BNC2: variants seen among roughly 807,000 people sequenced by gnomAD.
The protein encoded by BNC2 is zinc finger protein basonuclin-2.
In BNC2, 20 loss-of-function variants were observed where a neutral mutation model predicts 76.3. The ratio of observed to expected loss-of-function variants is 0.26; its 90% CI spans 0.18 to 0.38. The LOEUF is 0.38. BNC2 is among the 10% of genes least tolerant of loss of function. The probability of loss-of-function intolerance (pLI) is 1.00; values close to 1 mark genes in which losing one functional copy is unlikely to be tolerated. For missense variants in BNC2, 1,382 were observed against 1,399.8 expected (o/e 0.99, Z 0.20); for synonymous variants, 582 against 514.8 (o/e 1.13, Z -1.77).
intron 3 of BNC2, among the ~76,000 whole-genome samples, chr9:16,619,399 G>A (rs1318257898): frequency 6.6e-6 from 1 of 151,564 alleles, no homozygotes; most frequent in Admixed American, 6.6e-5. Context: ...ATTGCAGAGT[G>A]AAAACTGTAC....
intron 6 of BNC2, chr9:16,421,398 GA>G (rs1820707104): frequency 1.4e-6 from 1 of 716,806 alleles, no homozygotes; most frequent in Non-Finnish European, 2.0e-6. Flanking sequence ...ATCTGGTTTT[GA>G]AAAACTTAAA....
intron 1 of BNC2, among the ~76,000 whole-genome samples, chr9:16,780,519 C>G (rs945890643): frequency 2.6e-5 from 4 of 151,798 alleles, no homozygotes; most frequent in Admixed American, 2.0e-4. Context: ...CTGCAGTGAG[C>G]CGAGATCACA....
At chr9:16,685,782 T>C (rs912507085) in intron 3 of BNC2, among the ~76,000 whole-genome samples, 2 of 152,208 alleles carry the variant, frequency 1.3e-5, no homozygotes, top group Non-Finnish European at 2.9e-5. Flanking sequence ...GTATGTCAAA[T>C]ATATAGTGAA....
In BNC2 at chr9:16,565,302, G is replaced by T. The variant is rs528750208; in HGVS notation, c.434-12537C>A. ...TGGGTCAGAAGACCTTGGACAGATT[G>T]ATTTACTTTCCAGTCTAGTAACTCT... On this transcript the variant is annotated intron_variant, in intron 4 of 6. Transcript: ENST00000380672. Among the ~76,000 whole-genome samples the T allele has an allele frequency of 6.6e-5, 10 of 152,214 alleles. No individual in the cohort carries two copies. The East Asian group carries it at 1.9e-3, about 29-fold the overall frequency.
At position 16,642,650 on chromosome 9, in the gene BNC2, C is replaced by T. The variant is rs187709642; in HGVS notation, c.331-59565G>A. 4.3e-4 allele frequency among the ~76,000 whole-genome samples: 66 copies of T among 152,222 alleles called. 1 individual carries two copies. Among genetic ancestry groups the T allele is most frequent in the Admixed American group, 2.2e-3 (34 of 15,278 alleles). On this transcript the variant is annotated intron_variant, in intron 3 of 6. Coordinates refer to ENST00000380672, the MANE Select transcript of BNC2 (RefSeq NM_017637.6). ...TAGGAAGACTGTCATCACTAATATCCCATGCTGTCTTAAGATTCAAGAATC... is the reference window on the plus strand; with the variant it reads ...TAGGAAGACTGTCATCACTAATATCTCATGCTGTCTTAAGATTCAAGAATC...
At chr9:16,736,404 ATACT>A (rs1054417283) in intron 2 of BNC2, among the ~76,000 whole-genome samples, 11 of 146,830 alleles carry the variant, frequency 7.5e-5, no homozygotes, top group Admixed American at 1.4e-4. Flanking sequence ...AAATCCCAGT[ATACT>A]TAAAGTTTCA....
chr9:16,716,755 T>C (rs1824007178), intron 3 of BNC2, among the ~76,000 whole-genome samples: 2 of 152,230 alleles, frequency 1.3e-5, no homozygotes, highest in Admixed American at 6.5e-5. Flanking sequence ...TGTTTTTACA[T>C]TATGTTTCAT....
Position 16,810,909 on chromosome 9 carries a change from G to A in BNC2, c.3+59737C>T, listed in dbSNP as rs564786408. Among the ~76,000 whole-genome samples, 7 of 152,184 alleles carry A rather than the reference G, an allele frequency of 4.6e-5. 1 individual carries two copies. In the South Asian group the frequency reaches 6.2e-4, roughly 14 times the overall value. The stretch of plus-strand genomic sequence containing the variant: ...TCTCCCCAAATTTTTTTTAAAAGGG[G>A]CTCGAACTCTTTTAAAACAGTGTAC... On this transcript the variant is annotated intron_variant, in intron 1 of 6. Coordinates refer to ENST00000380672, the MANE Select transcript of BNC2 (RefSeq NM_017637.6).
intron 1 of BNC2, among the ~76,000 whole-genome samples, chr9:16,837,302 G>A (rs1179322590): frequency 2.6e-5 from 4 of 152,192 alleles, no homozygotes; most frequent in South Asian, 2.1e-4. Flanking sequence ...TCAGGCATTC[G>A]AGACCAGCCT....
chr9:16,672,152 A>G (rs1822496253), intron 3 of BNC2, among the ~76,000 whole-genome samples: 1 of 152,234 alleles, frequency 6.6e-6, no homozygotes, highest in African/African-American at 2.4e-5. Flanking sequence ...TGAAGATGAG[A>G]CAAAAGATCT....
intron 6 of BNC2, chr9:16,430,015 G>T (rs779330823): frequency 1.4e-5 from 7 of 507,594 alleles, no homozygotes; most frequent in Non-Finnish European, 7.9e-6. Context: ...AAGAACCCCA[G>T]GGACAGGAAT....
At chr9:16,499,943 C>T (rs1038747427) in intron 5 of BNC2, among the ~76,000 whole-genome samples, 1 of 152,034 alleles carries the variant, frequency 6.6e-6, no homozygotes, top group African/African-American at 2.4e-5. Flanking sequence ...TCTTGGAACT[C>T]AGCTTTCTGG....
chr9:16,525,709 T>C (rs1817778379), intron 5 of BNC2, among the ~76,000 whole-genome samples: 2 of 152,188 alleles, frequency 1.3e-5, no homozygotes, highest in South Asian at 4.1e-4. Context: ...TATGAAGTTG[T>C]TTACAAGATA....
At chr9:16,579,781 G>A (rs985944038) in intron 4 of BNC2, 1 of 220,892 alleles carries the variant, frequency 4.5e-6, no homozygotes, top group East Asian at 9.6e-5. Context: ...TCTTAGGAAT[G>A]AACTGAAAAT....
intron 3 of BNC2, among the ~76,000 whole-genome samples, chr9:16,722,736 AAT>A (rs1824194286): frequency 6.6e-6 from 1 of 152,180 alleles, no homozygotes; most frequent in African/African-American, 2.4e-5. Context: ...CACACCTGAG[AAT>A]ATGTTTGTGC....
chr9:16,707,333 T>C (rs1367165059), intron 3 of BNC2, among the ~76,000 whole-genome samples: 4 of 152,126 alleles, frequency 2.6e-5, no homozygotes, highest in African/African-American at 9.7e-5. Context: ...CCCAGTAAAA[T>C]TGAAGGAAGA....
intron 1 of BNC2, among the ~76,000 whole-genome samples, chr9:16,786,941 G>A (rs1456576205): frequency 2.0e-5 from 3 of 152,196 alleles, no homozygotes; most frequent in Non-Finnish European, 4.4e-5. Context: ...GGACTGGAAA[G>A]AGCAAAAGAT....
chr9:16,579,947 G>GCT, intron 4 of BNC2: 1 of 396,352 alleles, frequency 2.5e-6, no homozygotes, highest in Non-Finnish European at 4.4e-6. Flanking sequence ...TGCATTCAGT[G>GCT]CTACCATGAA....
At chr9:16,601,228 CA>C (rs1820235248) in intron 3 of BNC2, among the ~76,000 whole-genome samples, 1 of 152,130 alleles carries the variant, frequency 6.6e-6, no homozygotes, top group South Asian at 2.1e-4. Context: ...TATCCAGGAC[CA>C]CACTCCAGAA....
Sources: gnomAD v4.1 joint callset for allele counts (sites outside exome capture counted in the v4.1 genomes callset) on GRCh38, gnomAD v4.1.1 for gene constraint, MANE v1.5 for transcripts, NCBI Gene and HGNC (gene_info 2026-07-23, HGNC 2026-07-21) for gene names.